The following SND1 variants were observed in gnomAD, a reference collection of about 807,000 sequenced individuals.
SND1 encodes the protein staphylococcal nuclease domain-containing protein 1.
Under a neutral mutation model 121.7 loss-of-function variants are expected in SND1, and 38 were observed. That is an observed-to-expected ratio of 0.31 (90% confidence interval 0.24 to 0.41). The LOEUF (loss-of-function observed/expected upper bound fraction) is 0.41. SND1 is among the 10% of genes least tolerant of loss of function. SND1 has a pLI of 1.00. For missense variants in SND1, 868 were observed against 1,184.6 expected (o/e 0.73, Z 3.92); for synonymous variants, 401 against 447.4 (o/e 0.90, Z 1.31).
intron 10 of SND1, among the ~76,000 whole-genome samples, chr7:127,771,284 C>T (rs1171774391): frequency 2.6e-5 from 4 of 152,110 alleles, no homozygotes; most frequent in Non-Finnish European, 4.4e-5. Flanking sequence ...CTATTGGTTT[C>T]CCAAGGGACC....
chr7:127,908,318 ATGTGTGTGTGTGTGTGTGTGTGTGTGTG>A (rs10579969), intron 14 of SND1, among the ~76,000 whole-genome samples: 2 of 138,484 alleles, frequency 1.4e-5, no homozygotes, highest in African/African-American at 2.8e-5. Flanking sequence ...ATAATAATAA[ATGTGTGTGTGTGTGTGTGTGTGTGTGTG>A]TGTGTGTGTG....
intron 15 of SND1, among the ~76,000 whole-genome samples, chr7:127,930,824 C>T (rs575124765): frequency 7.9e-5 from 12 of 152,216 alleles, no homozygotes; most frequent in Admixed American, 3.9e-4. Flanking sequence ...GTTTATTGCA[C>T]TTCTTTTTAT....
At chr7:127,967,671 T>C (rs1389864280) in intron 15 of SND1, among the ~76,000 whole-genome samples, 1 of 152,228 alleles carries the variant, frequency 6.6e-6, no homozygotes, top group Non-Finnish European at 1.5e-5. Flanking sequence ...TTGTGTTGTA[T>C]ATATTTATCC....
intron 15 of SND1, among the ~76,000 whole-genome samples, chr7:127,974,675 T>C (rs751377790): frequency 2.0e-4 from 31 of 151,940 alleles, no homozygotes; most frequent in Non-Finnish European, 3.1e-4. Flanking sequence ...CTGCTAAGGG[T>C]GGGTGAATTC....
chr7:127,836,390 A>G (rs531497815), intron 11 of SND1, among the ~76,000 whole-genome samples: 1 of 152,324 alleles, frequency 6.6e-6, no homozygotes, highest in Admixed American at 6.5e-5. Context: ...ACATGTGAAG[A>G]AACAACCAGC....
At chr7:128,073,595 T>A (rs1194553312) in intron 16 of SND1, among the ~76,000 whole-genome samples, 1 of 152,244 alleles carries the variant, frequency 6.6e-6, no homozygotes, top group Non-Finnish European at 1.5e-5. Flanking sequence ...GACATTCATT[T>A]TATTGCTTAA....
intron 9 of SND1, among the ~76,000 whole-genome samples, chr7:127,715,921 T>C (rs1796380635): frequency 6.6e-6 from 1 of 152,230 alleles, no homozygotes; most frequent in Admixed American, 6.5e-5. Context: ...TCAACTTTGT[T>C]TTTTTGCATG....
intron 16 of SND1, chr7:127,999,444 TCCC>T (rs1334441005): frequency 2.6e-5 from 4 of 151,722 alleles, no homozygotes; most frequent in Admixed American, 1.3e-4. Flanking sequence ...GTTTCATTTT[TCCC>T]CCCAAGTAGA....
intron 16 of SND1, chr7:127,997,418 A>T (rs1802690288): frequency 3.2e-6 from 1 of 309,212 alleles, no homozygotes; most frequent in African/African-American, 2.2e-5. Flanking sequence ...GAGGAATTTG[A>T]AGAATTTGCT....
At chr7:127,807,404 C>T in intron 10 of SND1, 80 bp from the exon 11 acceptor site, 2 of 1,074,220 alleles carry the variant, frequency 1.9e-6, no homozygotes, top group East Asian at 2.4e-5. Flanking sequence ...CAATTTCAGA[C>T]ACATTCCTAT....
chr7:128,047,001 T>C (rs990202578), intron 16 of SND1, among the ~76,000 whole-genome samples: 2 of 152,244 alleles, frequency 1.3e-5, no homozygotes, highest in African/African-American at 4.8e-5. Context: ...GAAATACATG[T>C]ACTTATATCC....
intron 16 of SND1, among the ~76,000 whole-genome samples, chr7:128,008,464 CTTTT>C (rs780986426): frequency 2.2e-5 from 3 of 136,062 alleles, no homozygotes; most frequent in Admixed American, 7.3e-5. Flanking sequence ...TTTTTCTTTC[CTTTT>C]TTTTTTTTTT....
chr7:127,862,770 CA>C (rs968156995), intron 12 of SND1, among the ~76,000 whole-genome samples: 4 of 151,912 alleles, frequency 2.6e-5, no homozygotes, highest in African/African-American at 7.3e-5. Context: ...GGTGCTCTCC[CA>C]GGCCGTGCAC....
chr7:127,652,470 C>G lies in SND1; in HGVS notation c.78+19C>G. ...CAAGATGGTGAGAACGGGCCCCGGA[C>G]ACCGACCCCTCTGCCTGCCTTCGGG... On this transcript the variant is annotated intron_variant, in intron 1 of 23. Transcript: ENST00000354725. 6.4e-7 allele frequency: 1 copy of G among 1,552,858 alleles called. No homozygotes were observed. Among genetic ancestry groups the G allele is most frequent in the Non-Finnish European group, 8.7e-7 (1 of 1,146,396 alleles).
chr7:128,090,984 A>G (rs73721298), intron 22 of SND1, among the ~76,000 whole-genome samples: 2,947 of 152,212 alleles, frequency 0.019, 109 homozygotes, highest in African/African-American at 0.067. Flanking sequence ...ATAAACACCT[A>G]ACATGCTCAT....
intron 16 of SND1, among the ~76,000 whole-genome samples, chr7:128,000,659 G>C (rs1802804753): frequency 6.6e-6 from 1 of 152,188 alleles, no homozygotes; most frequent in South Asian, 2.1e-4. Flanking sequence ...ATGAGCCATT[G>C]CACCTGGCAA....
rs1293722720 is a variant in SND1, at chr7:127,988,991, C to A, written c.1670-1956C>A. 2.6e-5 allele frequency among the ~76,000 whole-genome samples: 4 copies of A among 152,314 alleles called. No homozygotes were observed. In the East Asian group the frequency reaches 5.8e-4, roughly 22 times the overall value. ...GATGATTTTGTTCTTGCTTAGTTTG[C>A]AGATATAAAAAGAAAAGTGTTTTTG... On this transcript the variant is annotated intron_variant, in intron 15 of 23. Coordinates refer to ENST00000354725, the MANE Select transcript of SND1 (RefSeq NM_014390.4).
intron 10 of SND1, among the ~76,000 whole-genome samples, chr7:127,747,597 T>C (rs779316901): frequency 6.6e-6 from 1 of 152,196 alleles, no homozygotes; most frequent in Non-Finnish European, 1.5e-5. Context: ...TGTTTTTTTC[T>C]ACTGACAGGA....
intron 10 of SND1, among the ~76,000 whole-genome samples, chr7:127,774,317 A>C (rs535860699): frequency 6.6e-6 from 1 of 152,360 alleles, no homozygotes; most frequent in Admixed American, 6.5e-5. Context: ...ATAAAACTTT[A>C]AAATTGAAAG....
Sources: gnomAD v4.1 joint callset for allele counts (sites outside exome capture counted in the v4.1 genomes callset) on GRCh38, gnomAD v4.1.1 for gene constraint, MANE v1.5 for transcripts, NCBI Gene and HGNC (gene_info 2026-07-23, HGNC 2026-07-21) for gene names.